The following ELOVL6 variants were observed in gnomAD, a reference collection of about 807,000 sequenced individuals.
The protein encoded by ELOVL6 is ELOVL fatty acid elongase 6.
In ELOVL6, 8 loss-of-function variants were observed where a neutral mutation model predicts 31.7. The observed-to-expected ratio is 0.25, with a 90% CI of 0.15 to 0.45. The LOEUF is 0.45. ELOVL6 is among the 20% of genes least tolerant of loss of function. The pLI is 1.00. For synonymous variants in ELOVL6, 101 were observed against 117.7 expected (o/e 0.86, Z 0.92); for missense variants, 126 against 326.4 (o/e 0.39, Z 4.73).
At chr4:110,183,353 A>G (rs930684011) in intron 1 of ELOVL6, among the ~76,000 whole-genome samples, 51 of 152,170 alleles carry the variant, frequency 3.4e-4, no homozygotes, top group Non-Finnish European at 6.6e-4. Flanking sequence ...CCCTAATTCA[A>G]GTTGTCCTGC....
chr4:110,172,133 C>T (rs554364016), intron 1 of ELOVL6, among the ~76,000 whole-genome samples: 1 of 152,224 alleles, frequency 6.6e-6, no homozygotes, highest in East Asian at 1.9e-4. Flanking sequence ...AGACATGTGA[C>T]TCTTGGCTGG....
chr4:110,080,029 A>G (rs891685059), intron 2 of ELOVL6, among the ~76,000 whole-genome samples: 3 of 152,234 alleles, frequency 2.0e-5, no homozygotes, highest in Admixed American at 6.5e-5. Context: ...CACCCTCCCA[A>G]GACTAAACCA....
At chr4:110,141,970 A>G (rs1757976608) in intron 1 of ELOVL6, among the ~76,000 whole-genome samples, 1 of 148,746 alleles carries the variant, frequency 6.7e-6, no homozygotes, top group Non-Finnish European at 1.5e-5. Flanking sequence ...TGCCACACTC[A>G]TCTTCTACCT....
intron 1 of ELOVL6, among the ~76,000 whole-genome samples, chr4:110,158,292 G>A (rs1325114753): frequency 6.6e-6 from 1 of 152,082 alleles, no homozygotes; most frequent in Non-Finnish European, 1.5e-5. Flanking sequence ...GGACCATTGT[G>A]TGCACAGTCT....
intron 2 of ELOVL6, among the ~76,000 whole-genome samples, chr4:110,084,130 T>C (rs1245912615): frequency 3.2e-5 from 1 of 30,978 alleles, no homozygotes; most frequent in Non-Finnish European, 4.7e-5. Flanking sequence ...AACATATATG[T>C]GATAATGATA....
chr4:110,065,208 T>C (rs1755265117), intron 2 of ELOVL6, among the ~76,000 whole-genome samples: 1 of 152,262 alleles, frequency 6.6e-6, no homozygotes, highest in Admixed American at 6.5e-5. Context: ...GATGTTGGAA[T>C]TTTTAGAATA....
At chr4:110,059,445 A>G (rs1042449778) in intron 3 of ELOVL6, among the ~76,000 whole-genome samples, 158 bp downstream of exon 3, 1 of 152,242 alleles carries the variant, frequency 6.6e-6, no homozygotes, top group Non-Finnish European at 1.5e-5. Context: ...GGGAGCGAAC[A>G]ATAAAAAGTA....
chr4:110,130,187 C>T (rs1578503385), intron 1 of ELOVL6, among the ~76,000 whole-genome samples: 3 of 152,158 alleles, frequency 2.0e-5, no homozygotes, highest in East Asian at 3.9e-4. Context: ...TGAGCCACCG[C>T]GCCTGGCCAC....
chr4:110,167,726 G>T lies in ELOVL6; in HGVS notation c.89+30521C>A, dbSNP rs190791199. Among the ~76,000 whole-genome samples the T allele has an allele frequency of 6.6e-4, 101 of 152,002 alleles. 1 individual carries two copies. Among genetic ancestry groups the T allele is most frequent in the African/African-American group, 2.2e-3 (93 of 41,468 alleles). On this transcript the variant is annotated intron_variant, in intron 1 of 3. Transcript: ENST00000302274. ...GTATGTATGTTTGTATGTAGAGACA[G>T]GGTCTCCCTGTGCTGCTCAGGCTGG...
At chr4:110,055,097 A>G (rs895300928) in intron 3 of ELOVL6, among the ~76,000 whole-genome samples, 2 of 152,132 alleles carry the variant, frequency 1.3e-5, no homozygotes, top group African/African-American at 4.8e-5. Context: ...GTGGGGCTCT[A>G]GAAGAGCTAA....
intron 2 of ELOVL6, among the ~76,000 whole-genome samples, chr4:110,089,835 T>G (rs1756370319): frequency 6.6e-6 from 1 of 152,104 alleles, no homozygotes; most frequent in Non-Finnish European, 1.5e-5. Context: ...ACAGCCACAA[T>G]GGTGATGATG....
At chr4:110,133,365 A>G (rs1415089466) in intron 1 of ELOVL6, among the ~76,000 whole-genome samples, 1 of 152,212 alleles carries the variant, frequency 6.6e-6, no homozygotes, top group African/African-American at 2.4e-5. Flanking sequence ...ATAAACCTCA[A>G]ACCTCAAGGA....
At position 110,047,231 on chromosome 4, in the gene ELOVL6, C is replaced by T. The variant is rs1028189570; in HGVS notation, c.*4107G>A. 1 of 151,908 alleles carries T rather than the reference C, an allele frequency of 6.6e-6. No homozygotes were observed. The highest frequency in any genetic ancestry group is 1.5e-5 in the Non-Finnish European group (1 of 67,994). The allele number at this position is 151,908 out of a possible 1,614,324, so 9.4% of individuals were successfully genotyped here. On this transcript the variant is annotated 3_prime_UTR_variant, in exon 4 of 4. Transcript: ENST00000302274. ...TGGACCATGCTTATACAACTTAAAG[C>T]TCTGAACTCTGAGAGGCAAAGTCTA... is the stretch of plus-strand genomic sequence containing the variant.
At chr4:110,158,606 C>CAT (rs1491513646) in intron 1 of ELOVL6, among the ~76,000 whole-genome samples, 1 of 126,888 alleles carries the variant, frequency 7.9e-6, no homozygotes, top group Non-Finnish European at 1.7e-5. Flanking sequence ...CACACACACA[C>CAT]ATATATATAC....
intron 2 of ELOVL6, among the ~76,000 whole-genome samples, chr4:110,080,884 T>C (rs1029939782): frequency 5.3e-5 from 8 of 152,110 alleles, no homozygotes; most frequent in Non-Finnish European, 2.9e-5. Context: ...GATAGGCAAC[T>C]TCAGCAAAGT....
intron 2 of ELOVL6, among the ~76,000 whole-genome samples, chr4:110,072,916 C>T: frequency 6.6e-6 from 1 of 152,152 alleles, no homozygotes; most frequent in Non-Finnish European, 1.5e-5. Flanking sequence ...ACAAGAAGTC[C>T]TGGCCCCAAT....
intron 2 of ELOVL6, among the ~76,000 whole-genome samples, chr4:110,094,816 T>G (rs1166086109): frequency 6.6e-6 from 1 of 151,996 alleles, no homozygotes; most frequent in African/African-American, 2.4e-5. Flanking sequence ...CTAGGGCAGT[T>G]GATGCAAGAA....
intron 1 of ELOVL6, among the ~76,000 whole-genome samples, chr4:110,150,329 C>T (rs180819051): frequency 6.6e-6 from 1 of 152,214 alleles, no homozygotes; most frequent in South Asian, 2.1e-4. Context: ...CTTAAACAGA[C>T]AGGCGACAAG....
chr4:110,165,725 G>GATGCATTC lies in ELOVL6; in HGVS notation c.89+32514_89+32521dup, dbSNP rs529765603. On this transcript the variant is annotated intron_variant, in intron 1 of 3. Coordinates refer to ENST00000302274, the MANE Select transcript of ELOVL6 (RefSeq NM_024090.3). ...TCCTCAACTATAAAATAACAATTAT[G>GATGCATTC]ATGCATTCCTGTCAGAACTAACAGG... 6.8e-3 allele frequency among the ~76,000 whole-genome samples: 1,035 copies of GATGCATTC among 152,324 alleles called. 12 individuals are homozygous for GATGCATTC. The highest frequency in any genetic ancestry group is 0.048 in the Middle Eastern group (14 of 294).
Sources: gnomAD v4.1 joint callset for allele counts (sites outside exome capture counted in the v4.1 genomes callset) on GRCh38, gnomAD v4.1.1 for gene constraint, MANE v1.5 for transcripts, NCBI Gene and HGNC (gene_info 2026-07-23, HGNC 2026-07-21) for gene names.